Variants in PALB2 observed in about 807,000 individuals in gnomAD.
PALB2 encodes the protein mutant partner and localizer of BRCA2.
A neutral mutation model predicts 107.4 loss-of-function variants in PALB2; 82 were observed. That is an observed-to-expected ratio of 0.76 (90% CI 0.64 to 0.92). The LOEUF (loss-of-function observed/expected upper bound fraction) is 0.92, where lower values mean the gene tolerates loss of function less well. Ranked by LOEUF, PALB2 falls within the 40% of genes least tolerant of loss-of-function variation. The pLI is 0.00. For synonymous variants in PALB2, 489 were observed against 496.8 expected (o/e 0.98, Z 0.21); for missense variants, 1,374 against 1,379.9 (o/e 1.00, Z 0.07).
intron 7 of PALB2, among the ~76,000 whole-genome samples, chr16:23,624,966 A>G (rs1397571478): frequency 1.3e-5 from 2 of 152,220 alleles, no homozygotes; most frequent in African/African-American, 4.8e-5. Context: ...AAGGGCAAGG[A>G]GTACAAATAT....
chr16:23,605,984 G>C (rs1231750364), intron 12 of PALB2: 1 of 152,118 alleles, frequency 6.6e-6, no homozygotes, highest in African/African-American at 2.4e-5. Context: ...TTGTTTAAAG[G>C]CTACCCAGTC....
In PALB2 at chr16:23,606,454, A is replaced by T. The variant is rs373003819; in HGVS notation, c.3350+1410T>A. On this transcript the variant is annotated intron_variant, in intron 12 of 12. Transcript: ENST00000261584. ...AGGGATAGAGAATGTCTTTTAGAAC[A>T]TGCACTTATCAAATAAACTTTGCAT... 2.0e-5 allele frequency among the ~76,000 whole-genome samples: 3 copies of T among 152,310 alleles called. No individual in the cohort carries two copies. In the East Asian group the frequency reaches 5.8e-4, roughly 29 times the overall value.
At position 23,635,146 on chromosome 16, in the gene PALB2, C is replaced by T. The variant is rs730881906; in HGVS notation, c.1400G>A (p.Gly467Asp). Residue 467 changes from glycine to aspartate, a missense_variant, in exon 4 of 13, where the codon GGC (glycine) becomes GAC (aspartate). Coordinates refer to ENST00000261584, the MANE Select transcript of PALB2 (RefSeq NM_024675.4). ...TGAACTTGGTTGTCCTGTGCATGTGCCAGACATCCTAATTTCACTTTGGTC... is the reference window on the plus strand; with the variant it reads ...TGAACTTGGTTGTCCTGTGCATGTGTCAGACATCCTAATTTCACTTTGGTC... ...ETDQSEIRMS[G>D]TCTGQPSSRT... 3.7e-6 allele frequency: 6 copies of T among 1,614,050 alleles called. No homozygotes were observed. Among genetic ancestry groups the T allele is most frequent in the South Asian group, 1.1e-5 (1 of 91,086 alleles).
chr16:23,635,980 C>A lies in PALB2; in HGVS notation c.566G>T (p.Arg189Ile), dbSNP rs764180110. 1.2e-6 allele frequency: 2 copies of A among 1,614,010 alleles called. No homozygotes were observed. The highest frequency in any genetic ancestry group is 2.7e-5 in the African/African-American group (2 of 74,914). ...QEEISSKNPA[R>I]SPVTEIRTHL... The stretch of plus-strand genomic sequence containing the variant: ...AGTTCTTATTTCAGTTACTGGTGAT[C>A]TAGCAGGATTTTTGCTACTGATTTC... Residue 189 changes from arginine (R) to isoleucine (I), a missense_variant, in exon 4 of 13, where the codon AGA (arginine) becomes ATA (isoleucine). Transcript: ENST00000261584.
intron 6 of PALB2, among the ~76,000 whole-genome samples, chr16:23,627,251 G>A: frequency 6.6e-6 from 1 of 151,908 alleles, no homozygotes; most frequent in Non-Finnish European, 1.5e-5. Context: ...ACTTTGGGAG[G>A]CCGAGGCGGG....
rs142132127 is a variant in PALB2, at chr16:23,607,918, G to A, written c.3296C>T (p.Thr1099Met). 30 of 1,614,062 alleles carry A rather than the reference G, an allele frequency of 1.9e-5. No individual in the cohort carries two copies. Among genetic ancestry groups the A allele is most frequent in the East Asian group, 4.5e-5 (2 of 44,882 alleles). Residue 1099 changes from threonine to methionine, a missense_variant, in exon 12 of 13, where the codon ACG (threonine) becomes ATG (methionine). Transcript: ENST00000261584. ...CAGCATCACACCCACGCTGAGAGTC[G>A]TCTTAGGGTTAATCACAATGAGCTG... is the stretch of plus-strand genomic sequence containing the variant. ...VFQLIVINPK[T>M]TLSVGVMLYC... is the part of the protein sequence containing the mutation.
At chr16:23,607,636 C>T (rs1966500912) in intron 12 of PALB2, among the ~76,000 whole-genome samples, 1 of 151,996 alleles carries the variant, frequency 6.6e-6, no homozygotes, top group Non-Finnish European at 1.5e-5. Context: ...CTTGAATAAA[C>T]ACTATTAAAA....
chr16:23,624,049 C>T lies in PALB2; in HGVS notation c.2794G>A (p.Val932Met), dbSNP rs45624036. ...TCCAAATTTCCCAAAGCTACACACACGAGATTATACACATCAGGCACTGGA... is the reference window on the plus strand; with the variant it reads ...TCCAAATTTCCCAAAGCTACACACATGAGATTATACACATCAGGCACTGGA... ...IVPVPDVYNLVCVALGNLEIR... is the reference protein window; with the variant it reads ...IVPVPDVYNLMCVALGNLEIR... The change falls in exon 8 of 13, where the codon GTG (valine) becomes ATG (methionine). Residue 932 changes from valine to methionine, a missense_variant. Val to Met is a conservative substitution (Grantham distance 21). Transcript: ENST00000261584. The T allele has an allele frequency of 4.7e-3, 7,623 of 1,607,918 alleles. 29 individuals carry two copies. Among genetic ancestry groups the T allele is most frequent in the Non-Finnish European group, 5.1e-3 (5,968 of 1,174,572 alleles).
Position 23,635,805 on chromosome 16 carries a change from T to C in PALB2, c.741A>G (p.Thr247=), listed in dbSNP as rs2142435893. The C allele has an allele frequency of 6.2e-7, 1 of 1,614,204 alleles. No homozygotes were observed. The highest frequency in any genetic ancestry group is 8.5e-7 in the Non-Finnish European group (1 of 1,180,040). The part of the protein sequence containing the change: ...LRRPNFTRAT[T]VPLQTLSDSG... ...TATCTGATAGAGTCTGTAAAGGAAC[T>C]GTAGTCGCCCTGGTGAAATTAGGTC... The change falls in exon 4 of 13, where the codon ACA becomes ACG. Residue 247 remains threonine (T), a synonymous_variant. Coordinates refer to ENST00000261584, the MANE Select transcript of PALB2 (RefSeq NM_024675.4).
intron 11 of PALB2, among the ~76,000 whole-genome samples, chr16:23,612,471 G>A (rs890967413): frequency 7.3e-5 from 11 of 151,712 alleles, no homozygotes; most frequent in East Asian, 3.9e-4. Flanking sequence ...CACCCACATC[G>A]GCCTCCCAAA....
chr16:23,638,748 T>G (rs575717367), intron 1 of PALB2, among the ~76,000 whole-genome samples: 2 of 152,128 alleles, frequency 1.3e-5, no homozygotes, highest in Admixed American at 1.3e-4. Flanking sequence ...CAGAGTGATA[T>G]GAGAGAGTTA....
intron 11 of PALB2, among the ~76,000 whole-genome samples, chr16:23,609,418 C>T (rs1255284787): frequency 6.6e-6 from 1 of 152,024 alleles, no homozygotes; most frequent in Admixed American, 6.6e-5. Context: ...GAGTGAGACC[C>T]TATCTCTAAA....
At position 23,621,383 on chromosome 16, in the gene PALB2, A is replaced by G. The variant is rs1966768570; in HGVS notation, c.3092T>C (p.Ile1031Thr). The change falls in exon 10 of 13, where the codon ATT becomes ACT. Residue 1031 changes from isoleucine to threonine, a missense_variant. Physicochemically the swap from Ile to Thr is moderately conservative, Grantham distance 89 (BLOSUM62 -1). Coordinates refer to ENST00000261584, the MANE Select transcript of PALB2 (RefSeq NM_024675.4). ...TTACCAAATAACAATGTTGTTCATA[A>G]TAGTAGTACCAAGCAGAGCTTCTTG... Reference protein sequence around the residue: ...GMQEALLGTTIMNNIVIWNLK... With the variant: ...GMQEALLGTTTMNNIVIWNLK... The G allele has an allele frequency of 6.2e-7, 1 of 1,612,544 alleles. No homozygotes were observed. The highest frequency in any genetic ancestry group is 8.5e-7 in the Non-Finnish European group (1 of 1,178,586).
intron 11 of PALB2, among the ~76,000 whole-genome samples, chr16:23,612,523 CTTT>C (rs900478700): frequency 7.5e-5 from 9 of 119,490 alleles, no homozygotes; most frequent in Admixed American, 8.7e-5. Context: ...CAGGCCAAGA[CTTT>C]TTTTTTTTTT....
chr16:23,603,344 A>G lies in PALB2; in HGVS notation c.*115T>C. On this transcript the variant is annotated 3_prime_UTR_variant, in exon 13 of 13. Transcript: ENST00000261584. ...GAATAAAAAATAAGTCTGTCTGGACATAAACAAGCAATCATTTTAAGTGTC... is the reference window on the plus strand; with the variant it reads ...GAATAAAAAATAAGTCTGTCTGGACGTAAACAAGCAATCATTTTAAGTGTC... 1 of 850,958 alleles carries G rather than the reference A, an allele frequency of 1.2e-6. No homozygotes were observed. The highest frequency in any genetic ancestry group is 1.9e-6 in the Non-Finnish European group (1 of 513,440). 52.7% of individuals were successfully genotyped at this position (850,958 alleles called of 1,614,324 possible).
chr16:23,623,895 T>C (rs892636524), intron 8 of PALB2, 114 bp downstream of exon 8: 25 of 743,638 alleles, frequency 3.4e-5, no homozygotes, highest in Admixed American at 2.2e-4. Context: ...TCTCTCTCTC[T>C]TTAGATCTTT....
chr16:23,603,930 T>C (rs1180634977), intron 12 of PALB2, among the ~76,000 whole-genome samples: 1 of 152,096 alleles, frequency 6.6e-6, no homozygotes, highest in Non-Finnish European at 1.5e-5. Context: ...TTCCTTCCAC[T>C]CTCCATCACT....
chr16:23,632,190 C>T (rs1178724443), intron 4 of PALB2, among the ~76,000 whole-genome samples: 1 of 152,182 alleles, frequency 6.6e-6, no homozygotes, highest in African/African-American at 2.4e-5. Context: ...CACCTATAAT[C>T]CCATCACTTT....
In PALB2 at chr16:23,635,780, T is replaced by C. The variant is rs1967022496; in HGVS notation, c.766A>G (p.Ser256Gly). The C allele has an allele frequency of 6.2e-7, 1 of 1,614,180 alleles. No individual in the cohort carries two copies. The highest frequency in any genetic ancestry group is 8.5e-7 in the Non-Finnish European group (1 of 1,180,012). The change falls in exon 4 of 13, where the codon AGC (serine) becomes GGC (glycine). Residue 256 changes from serine to glycine, a missense_variant. Ser to Gly is a moderately conservative substitution (Grantham distance 56). Transcript: ENST00000261584. Reference sequence around the variant, plus strand: ...TGTTCAAGGTGCTGACTACTACCGCTATCTGATAGAGTCTGTAAAGGAACT... The same window carrying C: ...TGTTCAAGGTGCTGACTACTACCGCCATCTGATAGAGTCTGTAAAGGAACT... Reference protein sequence around the residue: ...TTVPLQTLSDSGSSQHLEHIP... With the variant: ...TTVPLQTLSDGGSSQHLEHIP...
Sources: allele counts gnomAD v4.1 joint callset (sites outside exome capture counted in the v4.1 genomes callset), GRCh38; gene constraint gnomAD v4.1.1; transcripts MANE v1.5; gene names NCBI Gene and HGNC (gene_info 2026-07-23, HGNC 2026-07-21).